Variants in CCDC122 observed in about 807,000 individuals in gnomAD.
CCDC122 encodes the protein coiled-coil domain-containing protein 122.
In CCDC122, 38 loss-of-function variants were observed where a neutral mutation model predicts 37.0. The observed-to-expected ratio is 1.03, with a 90% CI of 0.79 to 1.35. The LOEUF is 1.35. CCDC122 is among the 40% of genes most tolerant of loss of function. CCDC122 has a pLI of 0.00. For missense variants in CCDC122, 305 were observed against 310.0 expected, an observed-to-expected ratio of 0.98 and a Z score of 0.12; for synonymous variants, 83 against 95.6, an observed-to-expected ratio of 0.87 and a Z score of 0.77.
At chr13:43,841,059 G>A (rs956668709) in intron 6 of CCDC122, among the ~76,000 whole-genome samples, 7 of 152,144 alleles carry the variant, frequency 4.6e-5, no homozygotes, top group African/African-American at 1.7e-4. Flanking sequence ...ATCTCACTGG[G>A]GAGTGTCGGA....
downstream of CCDC122, among the ~76,000 whole-genome samples, chr13:43,822,254 G>C (rs1052942620): frequency 1.3e-5 from 2 of 152,180 alleles, no homozygotes; most frequent in African/African-American, 4.8e-5. Flanking sequence ...GAATTCTCTG[G>C]ATTACCAAGC....
intron 1 of CCDC122, among the ~76,000 whole-genome samples, chr13:43,875,606 T>G (rs1040839716): frequency 3.3e-5 from 5 of 152,294 alleles, no homozygotes; most frequent in African/African-American, 9.6e-5. Context: ...GTCTATAAAT[T>G]AGACTTGTAG....
chr13:43,821,864 C>T (rs1288275522), downstream of CCDC122, among the ~76,000 whole-genome samples: 1 of 152,196 alleles, frequency 6.6e-6, no homozygotes, highest in East Asian at 1.9e-4. Flanking sequence ...TTGTTAAATT[C>T]ATCTGATAGA....
chr13:43,877,746 G>A (rs1954673889), intron 1 of CCDC122: 1 of 152,150 alleles, frequency 6.6e-6, no homozygotes, highest in South Asian at 2.1e-4. Context: ...GAGTGGCTTG[G>A]GAATAGGGTG....
intron 6 of CCDC122, among the ~76,000 whole-genome samples, chr13:43,840,374 T>C (rs1953304845): frequency 6.6e-6 from 1 of 152,062 alleles, no homozygotes; most frequent in African/African-American, 2.4e-5. Flanking sequence ...CCACAATTTA[T>C]TTTTATTTTT....
intron 4 of CCDC122, 120 bp downstream of exon 4, chr13:43,868,574 G>T: frequency 1.9e-6 from 1 of 537,432 alleles, no homozygotes; most frequent in Non-Finnish European, 3.1e-6. Context: ...AGGGAGAACA[G>T]AATAATTGAC....
At chr13:43,863,533 C>A (rs1020789784) in intron 4 of CCDC122, among the ~76,000 whole-genome samples, 7 of 152,128 alleles carry the variant, frequency 4.6e-5, no homozygotes, top group African/African-American at 1.7e-4. Context: ...ATAGGTTTAA[C>A]TTTTCAAGAA....
At chr13:43,864,682 C>G (rs1954218071) in intron 4 of CCDC122, among the ~76,000 whole-genome samples, 1 of 152,158 alleles carries the variant, frequency 6.6e-6, no homozygotes, top group African/African-American at 2.4e-5. Flanking sequence ...CCACTGGGCC[C>G]CATCTCCAAC....
At chr13:43,849,385 C>T (rs868335367) in intron 6 of CCDC122, among the ~76,000 whole-genome samples, 1 of 152,152 alleles carries the variant, frequency 6.6e-6, no homozygotes, top group Non-Finnish European at 1.5e-5. Flanking sequence ...AGATATACTA[C>T]AGTTACCTAT....
chr13:43,866,436 T>G (rs1954279921), intron 4 of CCDC122, among the ~76,000 whole-genome samples: 1 of 152,360 alleles, frequency 6.6e-6, no homozygotes, highest in Non-Finnish European at 1.5e-5. Flanking sequence ...AATTTCCATA[T>G]GACTTTTAGA....
chr13:43,825,810 C>A (rs1376415955), intron 3 of CCDC122, among the ~76,000 whole-genome samples: 3 of 147,932 alleles, frequency 2.0e-5, no homozygotes, highest in Non-Finnish European at 3.0e-5. Flanking sequence ...AGGGCAAGGG[C>A]TGAAAAACTT....
intron 4 of CCDC122, among the ~76,000 whole-genome samples, chr13:43,862,997 TTC>T (rs768733674): frequency 2.0e-5 from 3 of 152,066 alleles, no homozygotes; most frequent in Non-Finnish European, 4.4e-5. Flanking sequence ...TTTCCCCTTC[TTC>T]TCTCTCCTTT....
intron 6 of CCDC122, among the ~76,000 whole-genome samples, chr13:43,838,729 T>C (rs1339923547): frequency 3.3e-5 from 5 of 152,320 alleles, no homozygotes; most frequent in Admixed American, 1.3e-4. Context: ...GTTAGCTGGC[T>C]GGCTTTCTGA....
chr13:43,834,356 CT>C (rs1406239240), downstream of CCDC122, among the ~76,000 whole-genome samples: 20 of 152,280 alleles, frequency 1.3e-4, no homozygotes, highest in East Asian at 3.7e-3. Context: ...CATAAAAACC[CT>C]AGAAGAAAAC....
intron 2 of CCDC122, among the ~76,000 whole-genome samples, chr13:43,874,055 C>G (rs1244622030): frequency 6.6e-6 from 1 of 152,150 alleles, no homozygotes; most frequent in Non-Finnish European, 1.5e-5. Flanking sequence ...TTTAGGAGGT[C>G]TTTCTCGATC....
chr13:43,863,108 C>T (rs893721636), intron 4 of CCDC122, among the ~76,000 whole-genome samples: 2 of 152,024 alleles, frequency 1.3e-5, no homozygotes, highest in African/African-American at 2.4e-5. Flanking sequence ...AAGACCATCA[C>T]CACAACTAAG....
intron 6 of CCDC122, 111 bp from the exon 7 acceptor site, chr13:43,837,540 C>T (rs1367759684): frequency 1.2e-6 from 1 of 819,310 alleles, no homozygotes; most frequent in Non-Finnish European, 1.8e-6. Context: ...AGAAACTATC[C>T]ACTATAAATA....
chr13:43,829,329 G>C (rs1375440895), intron 3 of CCDC122, among the ~76,000 whole-genome samples: 1 of 151,858 alleles, frequency 6.6e-6, no homozygotes, highest in Non-Finnish European at 1.5e-5. Flanking sequence ...TTTTTGAGAC[G>C]GAGTCTTGCT....
intron 3 of CCDC122, among the ~76,000 whole-genome samples, chr13:43,824,205 G>T (rs1350263271): frequency 6.6e-6 from 1 of 152,056 alleles, no homozygotes; most frequent in African/African-American, 2.4e-5. Flanking sequence ...CCCAAATATG[G>T]GATGAAATAG....
Sources: gnomAD v4.1 joint callset for allele counts (sites outside exome capture counted in the v4.1 genomes callset) on GRCh38, gnomAD v4.1.1 for gene constraint, MANE v1.5 for transcripts, NCBI Gene and HGNC (gene_info 2026-07-23, HGNC 2026-07-21) for gene names.